The following HDAC9 variants were observed in gnomAD, a reference collection of about 807,000 sequenced individuals.
HDAC9 encodes histone deacetylase 9.
A neutral mutation model predicts 139.4 loss-of-function variants in HDAC9; 41 were observed. The observed-to-expected ratio is 0.29, with a 90% CI of 0.23 to 0.38. The LOEUF (loss-of-function observed/expected upper bound fraction) is 0.38, where lower values mean the gene tolerates loss of function less well. Among genes scored for constraint, HDAC9 ranks in the 10% least tolerant of loss-of-function variants. The pLI, the probability that HDAC9 is intolerant of heterozygous loss-of-function variation, is 1.00. For synonymous variants in HDAC9, 517 were observed against 476.2 expected (o/e 1.09, Z -1.12); for missense variants, 1,147 against 1,297.0 (o/e 0.88, Z 1.78).
chr7:18,171,374 A>G (rs1347603706), intron 2 of HDAC9, among the ~76,000 whole-genome samples: 1 of 152,158 alleles, frequency 6.6e-6, no homozygotes, highest in Non-Finnish European at 1.5e-5. Context: ...CTAAATATAC[A>G]ATCATGTCAT....
chr7:18,494,352 C>G (rs958926429), upstream of HDAC9, among the ~76,000 whole-genome samples: 1 of 152,062 alleles, frequency 6.6e-6, no homozygotes, highest in African/African-American at 2.4e-5. Context: ...TTTGCCCCCT[C>G]TGACTTCATA....
intron 25 of HDAC9, among the ~76,000 whole-genome samples, chr7:18,985,639 C>G (rs1343469610): frequency 6.8e-6 from 1 of 146,364 alleles, no homozygotes; most frequent in Non-Finnish European, 1.5e-5. Flanking sequence ...CCTGAGGAAT[C>G]GCCACACTGA....
chr7:18,814,260 G>A (rs559212538), intron 17 of HDAC9, among the ~76,000 whole-genome samples: 2 of 152,114 alleles, frequency 1.3e-5, no homozygotes, highest in South Asian at 2.1e-4. Flanking sequence ...ATAAATTATA[G>A]TCTTTAGCAT....
At chr7:18,493,735 T>C (rs1796529647), upstream of HDAC9, among the ~76,000 whole-genome samples, 1 of 151,546 alleles carries the variant, frequency 6.6e-6, no homozygotes, top group Admixed American at 6.6e-5. Context: ...TTGTCAAATA[T>C]ACCGCAATTT....
At chr7:18,291,363 A>G (rs146453988) in intron 1 of HDAC9, among the ~76,000 whole-genome samples, 150 of 152,142 alleles carry the variant, frequency 9.9e-4, no homozygotes, top group African/African-American at 3.4e-3. Context: ...TTCTGTCACA[A>G]TCCAGTATCC....
chr7:18,549,568 T>C (rs962646127), intron 2 of HDAC9, among the ~76,000 whole-genome samples: 1 of 152,174 alleles, frequency 6.6e-6, no homozygotes, highest in African/African-American at 2.4e-5. Flanking sequence ...AGTTTACATA[T>C]GGTATGCTTC....
At chr7:18,805,319 T>C (rs1793618650) in intron 17 of HDAC9, among the ~76,000 whole-genome samples, 1 of 152,122 alleles carries the variant, frequency 6.6e-6, no homozygotes, top group Non-Finnish European at 1.5e-5. Context: ...CAGAGTGGGG[T>C]AGGACGTTCA....
intron 1 of HDAC9, among the ~76,000 whole-genome samples, chr7:18,433,670 G>T (rs895649400): frequency 6.6e-6 from 1 of 151,872 alleles, no homozygotes; most frequent in Non-Finnish European, 1.5e-5. Flanking sequence ...ATTCACAATA[G>T]ACACACACAC....
intron 21 of HDAC9, among the ~76,000 whole-genome samples, chr7:18,850,479 AT>A (rs1197056300): frequency 6.6e-6 from 1 of 152,132 alleles, no homozygotes; most frequent in Non-Finnish European, 1.5e-5. Context: ...CCATTAGTAG[AT>A]TTTTTCCTGA....
chr7:18,800,669 C>T (rs1358296931), intron 17 of HDAC9, among the ~76,000 whole-genome samples: 1 of 151,850 alleles, frequency 6.6e-6, no homozygotes, highest in Non-Finnish European at 1.5e-5. Flanking sequence ...CCTGTCTCTA[C>T]AAAAAATACA....
intron 2 of HDAC9, among the ~76,000 whole-genome samples, chr7:18,211,053 C>G (rs915233838): frequency 6.6e-6 from 1 of 152,106 alleles, no homozygotes; most frequent in Non-Finnish European, 1.5e-5. Flanking sequence ...TATAAAGTTC[C>G]CTGGAAACTC....
At chr7:18,686,172 G>A (rs531857276) in intron 12 of HDAC9, among the ~76,000 whole-genome samples, 1 of 151,896 alleles carries the variant, frequency 6.6e-6, no homozygotes, top group African/African-American at 2.4e-5. Context: ...ACTCAGGTCT[G>A]ACTCATAAAC....
At chr7:18,926,310 A>G (rs1804223328) in intron 22 of HDAC9, among the ~76,000 whole-genome samples, 1 of 152,132 alleles carries the variant, frequency 6.6e-6, no homozygotes, top group African/African-American at 2.4e-5. Context: ...TGATGCCACT[A>G]CACTCCAGCC....
At chr7:18,761,543 T>A (rs1186549522) in intron 14 of HDAC9, among the ~76,000 whole-genome samples, 1 of 152,144 alleles carries the variant, frequency 6.6e-6, no homozygotes, top group African/African-American at 2.4e-5. Flanking sequence ...CAAATTGCCA[T>A]AAAAGTTTCT....
chr7:18,137,979 C>T (rs1383317753), intron 1 of HDAC9, among the ~76,000 whole-genome samples: 1 of 151,838 alleles, frequency 6.6e-6, no homozygotes, highest in Non-Finnish European at 1.5e-5. Context: ...GCCACAATTT[C>T]AGATCCTGTT....
chr7:18,427,817 G>T (rs537588945), intron 1 of HDAC9, among the ~76,000 whole-genome samples: 94 of 151,508 alleles, frequency 6.2e-4, no homozygotes, highest in African/African-American at 2.2e-3. Context: ...TAGGAATAAT[G>T]TTGTACAGCA....
chr7:18,926,579 T>C (rs1804248959), intron 22 of HDAC9, among the ~76,000 whole-genome samples: 1 of 151,978 alleles, frequency 6.6e-6, no homozygotes, highest in South Asian at 2.1e-4. Flanking sequence ...TGGCACAGAG[T>C]AGGTATTTTG....
chr7:18,834,638 C>T (rs1048582760), intron 19 of HDAC9, among the ~76,000 whole-genome samples: 5 of 151,640 alleles, frequency 3.3e-5, no homozygotes, highest in Non-Finnish European at 7.4e-5. Context: ...AGGCAGATTG[C>T]ACAAGATTGC....
At chr7:18,135,628 G>C (rs1196116606) in intron 1 of HDAC9, among the ~76,000 whole-genome samples, 1 of 134,808 alleles carries the variant, frequency 7.4e-6, no homozygotes, top group African/African-American at 3.0e-5. Context: ...CAAAGGACAT[G>C]AACTCATCAT....
Sources: allele counts gnomAD v4.1 joint callset (sites outside exome capture counted in the v4.1 genomes callset), GRCh38; gene constraint gnomAD v4.1.1; transcripts MANE v1.5; gene names NCBI Gene and HGNC (gene_info 2026-07-23, HGNC 2026-07-21).